Variants in CPNE4 observed in about 807,000 individuals in gnomAD.
CPNE4 encodes the protein copine 4.
In CPNE4, 25 loss-of-function variants were observed where a neutral mutation model predicts 67.9. The observed-to-expected ratio is 0.37, with a 90% CI of 0.27 to 0.51. CPNE4 has a LOEUF of 0.51. CPNE4 is among the 20% of genes least tolerant of loss of function. The probability of loss-of-function intolerance (pLI) is 0.93; values close to 1 mark genes in which losing one functional copy is unlikely to be tolerated. For missense variants in CPNE4, 464 were observed against 690.8 expected, an observed-to-expected ratio of 0.67 and a Z score of 3.68; for synonymous variants, 242 against 244.9, an observed-to-expected ratio of 0.99 and a Z score of 0.11.
chr3:131,693,733 C>T (rs192847709), intron 5 of CPNE4, among the ~76,000 whole-genome samples: 1 of 152,130 alleles, frequency 6.6e-6, no homozygotes, highest in African/African-American at 2.4e-5. Context: ...GCCTGACCTC[C>T]CCTCTTACCT....
chr3:131,642,319 A>C (rs934648972), intron 7 of CPNE4, among the ~76,000 whole-genome samples: 2 of 152,170 alleles, frequency 1.3e-5, no homozygotes, highest in Non-Finnish European at 2.9e-5. Context: ...ATGTTCCATC[A>C]AGAGGAATAC....
intron 2 of CPNE4, among the ~76,000 whole-genome samples, chr3:131,805,285 G>A (rs923783555): frequency 6.6e-6 from 1 of 152,182 alleles, no homozygotes; most frequent in Non-Finnish European, 1.5e-5. Flanking sequence ...AGATGTATGA[G>A]ATAGGGAGCT....
intron 1 of CPNE4, among the ~76,000 whole-genome samples, chr3:131,937,694 A>G (rs2071265581): frequency 6.6e-6 from 1 of 152,134 alleles, no homozygotes; most frequent in Non-Finnish European, 1.5e-5. Context: ...CAAATAACAG[A>G]AATTAGATGG....
At chr3:131,593,137 A>G (rs888071875) in intron 7 of CPNE4, among the ~76,000 whole-genome samples, 1 of 152,236 alleles carries the variant, frequency 6.6e-6, no homozygotes, top group Non-Finnish European at 1.5e-5. Flanking sequence ...AGTTTACTTT[A>G]AAGTAAAGAA....
At chr3:131,894,861 C>A (rs1477361026) in intron 2 of CPNE4, among the ~76,000 whole-genome samples, 1 of 151,932 alleles carries the variant, frequency 6.6e-6, no homozygotes, top group African/African-American at 2.4e-5. Flanking sequence ...CACTACCAAG[C>A]ATATATCCAA....
chr3:131,930,229 G>C (rs1266553705), intron 1 of CPNE4, among the ~76,000 whole-genome samples: 1 of 152,144 alleles, frequency 6.6e-6, no homozygotes, highest in Non-Finnish European at 1.5e-5. Flanking sequence ...TAGGATGAGT[G>C]TGATACAGCA....
At chr3:131,669,787 G>A in intron 6 of CPNE4, 23 bp from the exon 7 acceptor site, 1 of 1,538,110 alleles carries the variant, frequency 6.5e-7, no homozygotes, top group Non-Finnish European at 9.0e-7. Flanking sequence ...AGAGAGGAGT[G>A]GTGAGTGGGG....
chr3:131,550,154 G>C, intron 13 of CPNE4, 74 bp from the exon 14 acceptor site: 1 of 1,522,634 alleles, frequency 6.6e-7, no homozygotes, highest in Non-Finnish European at 9.0e-7. Flanking sequence ...ACACACAAAA[G>C]TAAAGCATTA....
intron 11 of CPNE4, 143 bp from the exon 12 acceptor site, chr3:131,555,694 G>A (rs1936423019): frequency 1.5e-6 from 1 of 675,428 alleles, no homozygotes; most frequent in African/African-American, 1.8e-5. Context: ...GATTGTCTGT[G>A]GTGATGGGGG....
chr3:131,838,084 A>G (rs1267301909), intron 2 of CPNE4, among the ~76,000 whole-genome samples: 2 of 151,928 alleles, frequency 1.3e-5, no homozygotes, highest in African/African-American at 2.4e-5. Flanking sequence ...TTTCTGTCTC[A>G]ATAGATGTGC....
intron 2 of CPNE4, among the ~76,000 whole-genome samples, chr3:131,894,358 A>C (rs2088233845): frequency 6.6e-6 from 1 of 151,970 alleles, no homozygotes; most frequent in African/African-American, 2.4e-5. Flanking sequence ...AGAAAAAAGC[A>C]AATATATACA....
At chr3:131,801,355 C>CATATATATATATGTACCAT (rs1188176933) in intron 2 of CPNE4, among the ~76,000 whole-genome samples, 6 of 89,748 alleles carry the variant, frequency 6.7e-5, no homozygotes, top group South Asian at 3.6e-4. Context: ...ATATATGTAC[C>CATATATATATATGTACCAT]ATATATATAT....
At chr3:131,689,676 C>G (rs766492514) in intron 5 of CPNE4, among the ~76,000 whole-genome samples, 11 of 152,204 alleles carry the variant, frequency 7.2e-5, no homozygotes, top group Admixed American at 2.0e-4. Context: ...TGTCAACTCT[C>G]ACCATTCCTG....
At position 131,726,882 on chromosome 3, in the gene CPNE4, T is replaced by A. The variant is rs184605963; in HGVS notation, c.181-3257A>T. On this transcript the variant is annotated intron_variant, in intron 2 of 15. Transcript: ENST00000429747. ...CTAGGGGAAATGAGGAGATGTAGAG[T>A]CTATCTCATGCTCTTGTGTGAGGTC... Among the ~76,000 whole-genome samples, 7 of 152,210 alleles carry A rather than the reference T, an allele frequency of 4.6e-5. No individual in the cohort carries two copies. The East Asian group carries it at 1.4e-3, about 29-fold the overall frequency.
intron 7 of CPNE4, among the ~76,000 whole-genome samples, chr3:131,655,850 G>A (rs2079944398): frequency 6.6e-6 from 1 of 152,124 alleles, no homozygotes; most frequent in Non-Finnish European, 1.5e-5. Context: ...ATCATGGTTA[G>A]TACTAGACTT....
At chr3:131,617,144 T>C (rs534070509) in intron 7 of CPNE4, among the ~76,000 whole-genome samples, 1 of 152,330 alleles carries the variant, frequency 6.6e-6, no homozygotes, top group East Asian at 1.9e-4. Context: ...TTAGGAATCA[T>C]ATCTTAGGTT....
intron 15 of CPNE4, among the ~76,000 whole-genome samples, chr3:131,541,410 T>C (rs901859986): frequency 3.3e-5 from 5 of 152,288 alleles, no homozygotes; most frequent in African/African-American, 7.2e-5. Context: ...TACTAGAGCA[T>C]TGTCTAATGG....
intron 2 of CPNE4, among the ~76,000 whole-genome samples, chr3:131,838,815 A>C (rs918383054): frequency 1.3e-5 from 2 of 151,694 alleles, no homozygotes; most frequent in Non-Finnish European, 3.0e-5. Context: ...ATATTCGTAT[A>C]CATGAATATG....
At chr3:131,898,178 T>G (rs1271897779) in intron 2 of CPNE4, among the ~76,000 whole-genome samples, 1 of 152,036 alleles carries the variant, frequency 6.6e-6, no homozygotes, top group Non-Finnish European at 1.5e-5. Flanking sequence ...TCAGGAAAAG[T>G]GTCAAAAATA....
Sources: gnomAD v4.1 joint callset for allele counts (sites outside exome capture counted in the v4.1 genomes callset) on GRCh38, gnomAD v4.1.1 for gene constraint, MANE v1.5 for transcripts, NCBI Gene and HGNC (gene_info 2026-07-23, HGNC 2026-07-21) for gene names.